The following CAPN1 variants were observed in gnomAD, a reference collection of about 807,000 sequenced individuals.
The protein encoded by CAPN1 is calpain 1, also known as calpain-1 catalytic subunit.
A neutral mutation model predicts 105.2 loss-of-function variants in CAPN1; 77 were observed. The observed-to-expected ratio is 0.73, with a 90% CI of 0.61 to 0.88. CAPN1 has a LOEUF of 0.88. CAPN1 is among the 40% of genes least tolerant of loss of function. CAPN1 has a pLI of 0.00. For missense variants in CAPN1, 833 were observed against 976.6 expected (o/e 0.85, Z 1.96); for synonymous variants, 355 against 388.8 (o/e 0.91, Z 1.02).
chr11:65,186,091 C>T (rs924582240), intron 5 of CAPN1, 41 bp downstream of exon 5: 1 of 1,607,808 alleles, frequency 6.2e-7, no homozygotes, highest in African/African-American at 1.3e-5. Context: ...TTCCAGCTCC[C>T]CCTAGGGGTG....
chr11:65,189,811 A>G lies in CAPN1; in HGVS notation c.1165+1065A>G, dbSNP rs529062831. On this transcript the variant is annotated intron_variant, in intron 10 of 21. Transcript: ENST00000279247. Reference sequence around the variant, plus strand: ...CACAAATCTCAAATGAGCATTTTCCATAATCCCCAGCAATTCCACTACTGG... The same window carrying G: ...CACAAATCTCAAATGAGCATTTTCCGTAATCCCCAGCAATTCCACTACTGG... 5.9e-5 allele frequency among the ~76,000 whole-genome samples: 9 copies of G among 152,300 alleles called. No homozygotes were observed. In the East Asian group the frequency reaches 1.7e-3, roughly 29 times the overall value.
chr11:65,201,370 C>T (rs1306742079), intron 10 of CAPN1, among the ~76,000 whole-genome samples: 1 of 152,118 alleles, frequency 6.6e-6, no homozygotes, highest in Admixed American at 6.6e-5. Context: ...TACAGTCCAT[C>T]AGCCACTGTG....
intron 6 of CAPN1, 45 bp from the exon 7 acceptor site, chr11:65,187,170 C>T (rs747569437): frequency 9.2e-6 from 13 of 1,417,216 alleles, no homozygotes; most frequent in African/African-American, 4.2e-5. Context: ...TCTGATAGGG[C>T]GGGGGGACCT....
Position 65,188,352 on chromosome 11 carries a change from C to T in CAPN1, c.930-62C>T. 1 of 1,451,568 alleles carries T rather than the reference C, an allele frequency of 6.9e-7. No homozygotes were observed. The highest frequency in any genetic ancestry group is 9.5e-7 in the Non-Finnish European group (1 of 1,052,726). 89.9% of individuals were successfully genotyped at this position (1,451,568 alleles called of 1,614,324 possible). A position where few individuals can be genotyped will look rare whatever the true frequency, so the allele number is the denominator to read the frequency against. Reference sequence around the variant, plus strand: ...GAAGACAGGCCAGGGTAGACAGGCCCCAGGGACAGAGGCCAGGCAGGTCAG... The same window carrying T: ...GAAGACAGGCCAGGGTAGACAGGCCTCAGGGACAGAGGCCAGGCAGGTCAG... On this transcript the variant is annotated intron_variant, in intron 8 of 21. Coordinates refer to ENST00000279247, the MANE Select transcript of CAPN1 (RefSeq NM_005186.4). The surrounding 1 kb of genome is among the most constrained non-coding windows in gnomAD (Gnocchi z 5.5).
chr11:65,189,295 A>G (rs1948687265), intron 10 of CAPN1, among the ~76,000 whole-genome samples: 1 of 152,206 alleles, frequency 6.6e-6, no homozygotes, highest in South Asian at 2.1e-4. Flanking sequence ...TGCTGGGATT[A>G]CAGGCGTGCG....
At chr11:65,189,884 C>T (rs181544531) in intron 10 of CAPN1, among the ~76,000 whole-genome samples, 51 of 152,316 alleles carry the variant, frequency 3.3e-4, no homozygotes, top group African/African-American at 9.1e-4. Flanking sequence ...CTGTTACTCT[C>T]ACCTTCGGGC....
rs1439332250 is a variant in CAPN1 at position 65,208,669 on chromosome 11, C to T, written c.1729+407C>T. The stretch of plus-strand genomic sequence containing the variant: ...TGGCATGCACCTATAGTCCCAGCTA[C>T]TCAGGAGGCTGAGTTGGGAGGATGG... On this transcript the variant is annotated intron_variant, in intron 16 of 21. Transcript: ENST00000279247. This position sits in a 1 kb window ranked among gnomAD's most constrained non-coding sequence, Gnocchi z 4.1. 1 of 303,176 alleles carries T rather than the reference C, an allele frequency of 3.3e-6. No individual in the cohort carries two copies. Among genetic ancestry groups the T allele is most frequent in the Non-Finnish European group, 6.4e-6 (1 of 155,396 alleles). 18.8% of individuals were successfully genotyped at this position (303,176 alleles called of 1,614,324 possible).
intron 10 of CAPN1, among the ~76,000 whole-genome samples, chr11:65,196,969 T>G (rs566054958): frequency 1.3e-5 from 2 of 152,318 alleles, no homozygotes; most frequent in Non-Finnish European, 2.9e-5. Context: ...TAACTCACAC[T>G]GAGCCTATGA....
rs1158810780 is a variant in CAPN1, at chr11:65,208,082, G to A, written c.1633G>A (p.Glu545Lys). Reference sequence around the variant, plus strand: ...AGTGCTCTCAGAAGAGGAGATTGACGAGAACTTCAAGGCCCTCTTCAGGCA... The same window carrying A: ...AGTGCTCTCAGAAGAGGAGATTGACAAGAACTTCAAGGCCCTCTTCAGGCA... Reference protein sequence around the residue: ...EQVLSEEEIDENFKALFRQLA... With the variant: ...EQVLSEEEIDKNFKALFRQLA... Residue 545 changes from glutamate to lysine, a missense_variant, in exon 15 of 22, where the codon GAG becomes AAG. Glu to Lys is a moderately conservative substitution (Grantham distance 56). Coordinates refer to ENST00000279247, the MANE Select transcript of CAPN1 (RefSeq NM_005186.4). This position sits in a 1 kb window ranked among gnomAD's most constrained non-coding sequence, Gnocchi z 4.1. 3.7e-6 allele frequency: 6 copies of A among 1,605,726 alleles called. No homozygotes were observed. Among genetic ancestry groups the A allele is most frequent in the East Asian group, 2.2e-5 (1 of 44,640 alleles).
rs1333942035 is a variant in CAPN1 at position 65,188,456 on chromosome 11, G to C, written c.972G>C (p.Gln324His). Residue 324 changes from glutamine to histidine, a missense_variant, in exon 9 of 22, where the codon CAG (glutamine) becomes CAC (histidine). Gln to His is a conservative substitution (Grantham distance 24). Transcript: ENST00000279247. This position sits in a 1 kb window ranked among gnomAD's most constrained non-coding sequence, Gnocchi z 5.5. ...ACGTGGACCCATATGAACGGGACCA[G>C]CTCCGGGTCAAGATGGAGGACGGGG... is the stretch of plus-strand genomic sequence containing the variant. ...WNNVDPYERD[Q>H]LRVKMEDGEF... 6.2e-7 allele frequency: 1 copy of C among 1,613,202 alleles called. No homozygotes were observed. Among genetic ancestry groups the C allele is most frequent in the South Asian group, 1.1e-5 (1 of 90,872 alleles).
chr11:65,194,762 A>T (rs1199714483), intron 10 of CAPN1, among the ~76,000 whole-genome samples: 1 of 150,688 alleles, frequency 6.6e-6, no homozygotes, highest in Non-Finnish European at 1.5e-5. Context: ...CATTTTGCTG[A>T]TTCATTCATC....
chr11:65,203,836 C>T (rs1366161884), intron 10 of CAPN1, among the ~76,000 whole-genome samples: 1 of 152,042 alleles, frequency 6.6e-6, no homozygotes, highest in Non-Finnish European at 1.5e-5. Flanking sequence ...TGTGAGGTTC[C>T]CATCCCTCCA....
intron 4 of CAPN1, 88 bp downstream of exon 4, chr11:65,183,680 C>G: frequency 1.1e-6 from 1 of 870,034 alleles, no homozygotes; most frequent in Non-Finnish European, 1.9e-6. Context: ...GGGCCACACC[C>G]TGTGGGGCCA....
intron 10 of CAPN1, among the ~76,000 whole-genome samples, chr11:65,203,191 A>T (rs1020644976): frequency 1.4e-4 from 9 of 66,622 alleles, no homozygotes; most frequent in Non-Finnish European, 3.9e-4. Flanking sequence ...AGCCATTAAC[A>T]TTCTCTCTTT....
chr11:65,187,602 A>T, intron 7 of CAPN1: 1 of 494,372 alleles, frequency 2.0e-6, no homozygotes, highest in Non-Finnish European at 3.7e-6. Context: ...AAGTGCGTGC[A>T]TGGGCCAGGT....
Position 65,182,893 on chromosome 11 carries a change from A to G in CAPN1, c.192A>G (p.Val64=), listed in dbSNP as rs2137306342. The G allele has an allele frequency of 6.2e-7, 1 of 1,607,608 alleles. No homozygotes were observed. Among genetic ancestry groups the G allele is most frequent in the East Asian group, 2.2e-5 (1 of 44,574 alleles). ...TCCGTGATGAGGCCTTCCCCCCGGT[A>G]CCCCAGAGCCTGGGTTACAAGGACC... The part of the protein sequence containing the change: ...TLFRDEAFPP[V]PQSLGYKDLG... The change falls in exon 2 of 22, where the codon GTA becomes GTG. Residue 64 remains valine, a synonymous_variant. Transcript: ENST00000279247.
chr11:65,195,504 C>G (rs1422162673), intron 10 of CAPN1, among the ~76,000 whole-genome samples: 1 of 151,964 alleles, frequency 6.6e-6, no homozygotes, highest in Non-Finnish European at 1.5e-5. Flanking sequence ...GGTTTTTTTC[C>G]CCTTCATTCT....
At position 65,210,217 on chromosome 11, in the gene CAPN1, T is replaced by C. The variant is rs892976131; in HGVS notation, c.1943-119T>C. 8.9e-7 allele frequency: 1 copy of C among 1,129,436 alleles called. No homozygotes were observed. Among genetic ancestry groups the C allele is most frequent in the Non-Finnish European group, 1.3e-6 (1 of 755,426 alleles). 70.0% of individuals were successfully genotyped at this position (1,129,436 alleles called of 1,614,324 possible). On this transcript the variant is annotated intron_variant, in intron 19 of 21. Coordinates refer to ENST00000279247, the MANE Select transcript of CAPN1 (RefSeq NM_005186.4). This position sits in a 1 kb window ranked among gnomAD's most constrained non-coding sequence, Gnocchi z 4.3. ...ACATGGTAACAGCCATCTTGTCCTTTTCCCCACGGTTACTAGCACCCTGCC... is the reference window on the plus strand; with the variant it reads ...ACATGGTAACAGCCATCTTGTCCTTCTCCCCACGGTTACTAGCACCCTGCC...
intron 4 of CAPN1, among the ~76,000 whole-genome samples, chr11:65,184,467 G>A (rs867141751): frequency 1.3e-5 from 2 of 151,326 alleles, no homozygotes; most frequent in South Asian, 2.1e-4. Context: ...TCCTAGGGCC[G>A]CCTCCACCCC....
Sources: allele counts gnomAD v4.1 joint callset (sites outside exome capture counted in the v4.1 genomes callset), GRCh38; gene constraint gnomAD v4.1.1; non-coding constraint Gnocchi (gnomAD v3.1); transcripts MANE v1.5; gene names NCBI Gene and HGNC (gene_info 2026-07-23, HGNC 2026-07-21).